POLRMT: variants seen among roughly 807,000 people sequenced by gnomAD.
The protein encoded by POLRMT is DNA-directed RNA polymerase, mitochondrial.
Under a neutral mutation model 132.2 loss-of-function variants are expected in POLRMT, and 114 were observed. The ratio of observed to expected loss-of-function variants is 0.86; its 90% CI spans 0.74 to 1.01. POLRMT has a LOEUF of 1.01. POLRMT is among the 50% of genes least tolerant of loss of function. The probability of loss-of-function intolerance (pLI) is 0.00; values close to 1 mark genes in which losing one functional copy is unlikely to be tolerated. For synonymous variants in POLRMT, 1,020 were observed against 773.4 expected (o/e 1.32, Z -5.29); for missense variants, 2,003 against 1,729.1 (o/e 1.16, Z -2.81).
chr19:633,402 C>T (rs993178939), intron 1 of POLRMT, 23 bp downstream of exon 1: 1 of 1,504,918 alleles, frequency 6.6e-7, no homozygotes, highest in Admixed American at 2.0e-5. Flanking sequence ...CCCGGGCTGC[C>T]TGGCCGTCTC....
At chr19:618,859 T>A in intron 15 of POLRMT, 99 bp from the exon 16 acceptor site, 1 of 1,421,178 alleles carries the variant, frequency 7.0e-7, no homozygotes, top group Non-Finnish European at 9.7e-7. Context: ...GCTAGGATGG[T>A]GGCACACTGG....
At chr19:619,834 G>A (rs1440595358) in intron 12 of POLRMT, 69 bp from the exon 13 acceptor site, 1 of 1,551,802 alleles carries the variant, frequency 6.4e-7, no homozygotes, top group Admixed American at 1.8e-5. Context: ...AAGCACCCAT[G>A]AAGCCCCCGC....
In POLRMT at chr19:621,259, G is replaced by A; in HGVS notation, c.2439C>T (p.Phe813=). 6.2e-7 allele frequency: 1 copy of A among 1,608,532 alleles called. No homozygotes were observed. Among genetic ancestry groups the A allele is most frequent in the Non-Finnish European group, 8.5e-7 (1 of 1,178,090 alleles). The part of the protein sequence containing the change: ...RGRTYPCPPH[F]NHLGSDVARA... ...GCGCCACGTCGCTGCCCAGGTGGTT[G>A]AAGTGCGGCGGGCAGGGGTAGGTGC... is the stretch of plus-strand genomic sequence containing the variant. Residue 813 remains phenylalanine (F), a synonymous_variant, in exon 10 of 21, where the codon TTC becomes TTT. Coordinates refer to ENST00000588649, the MANE Select transcript of POLRMT (RefSeq NM_005035.4).
At position 623,458 on chromosome 19, in the gene POLRMT, T is replaced by C. The variant is rs147681201; in HGVS notation, c.1286A>G (p.His429Arg). ...GGACCCCGGCTCAGCCCCTACCGCG[T>C]GCTTGACCTCCTTGCTTGGCAACGT... ...KPTLPSKEVK[H>R]ARKTLKTLRD... The change falls in exon 6 of 21, where the codon CAC (histidine) becomes CGC (arginine). Residue 429 changes from histidine (H) to arginine (R), a missense_variant. Coordinates refer to ENST00000588649, the MANE Select transcript of POLRMT (RefSeq NM_005035.4). The C allele has an allele frequency of 2.9e-4, 460 of 1,611,384 alleles. 3 individuals are homozygous for C. Among genetic ancestry groups the C allele is most frequent in the Admixed American group, 6.7e-5 (4 of 60,000 alleles).
At chr19:626,808 C>T (rs553553699) in intron 3 of POLRMT, among the ~76,000 whole-genome samples, 17 of 151,252 alleles carry the variant, frequency 1.1e-4, no homozygotes, top group Non-Finnish European at 2.1e-4. Flanking sequence ...TGCGGTAAGC[C>T]GGGATCTCAC....
In POLRMT at chr19:620,400, G is replaced by C. The variant is rs1309159241; in HGVS notation, c.2728C>G (p.Pro910Ala). 1 of 1,585,360 alleles carries C rather than the reference G, an allele frequency of 6.3e-7. No individual in the cohort carries two copies. Among genetic ancestry groups the C allele is most frequent in the Non-Finnish European group, 8.6e-7 (1 of 1,167,002 alleles). Residue 910 changes from proline to alanine, a missense_variant, in exon 11 of 21, where the codon CCT becomes GCT. Transcript: ENST00000588649. ...EVANAVRASD[P>A]AAYVSHLPVH... ...GGGAGGTGGGAGACATAGGCGGCAG[G>C]GTCGGAGGCGCGCACAGCGTTCGCC...
chr19:625,085 G>C, intron 4 of POLRMT, 39 bp downstream of exon 4: 1 of 1,597,082 alleles, frequency 6.3e-7, no homozygotes, highest in Non-Finnish European at 8.5e-7. Context: ...CCCTGGGAGG[G>C]ACATGGTGGG....
Position 617,253 on chromosome 19 carries a change from A to C in POLRMT, c.*21T>G. 6.2e-7 allele frequency: 1 copy of C among 1,612,248 alleles called. No homozygotes were observed. Among genetic ancestry groups the C allele is most frequent in the Non-Finnish European group, 8.5e-7 (1 of 1,179,660 alleles). On this transcript the variant is annotated 3_prime_UTR_variant, in exon 21 of 21. Coordinates refer to ENST00000588649, the MANE Select transcript of POLRMT (RefSeq NM_005035.4). Reference sequence around the variant, plus strand: ...GGTGGCAAAAGAGCTTTATTTACACACTGACAAGGCTCACGGGGTGTCAGC... The same window carrying C: ...GGTGGCAAAAGAGCTTTATTTACACCCTGACAAGGCTCACGGGGTGTCAGC...
rs1364379915 is a variant in POLRMT at position 622,761 on chromosome 19, G to A, written c.1456-9C>T. The A allele has an allele frequency of 1.3e-6, 2 of 1,579,612 alleles. No homozygotes were observed. The highest frequency in any genetic ancestry group is 2.4e-5 in the East Asian group (1 of 42,508). ...GGCAGCGCCTGCAGGACCTGCGGAA[G>A]GCAGCCGTGAGTGCCTGCCCGCCCC... On this transcript the variant is annotated splice_polypyrimidine_tract_variant and intron_variant, in intron 7 of 20. Coordinates refer to ENST00000588649, the MANE Select transcript of POLRMT (RefSeq NM_005035.4).
intron 5 of POLRMT, 124 bp downstream of exon 5, chr19:624,595 A>G (rs966493978): frequency 9.0e-7 from 1 of 1,112,650 alleles, no homozygotes; most frequent in African/African-American, 1.6e-5. Flanking sequence ...GAAGGGAGGA[A>G]TTCAGGGCCC....
intron 3 of POLRMT, 92 bp downstream of exon 3, chr19:629,448 T>C (rs1985245075): frequency 8.0e-7 from 1 of 1,247,510 alleles, no homozygotes; most frequent in African/African-American, 1.5e-5. Flanking sequence ...GACTTGAACC[T>C]GGGGGCTAAG....
At position 617,769 on chromosome 19, in the gene POLRMT, G is replaced by A. The variant is rs41554212; in HGVS notation, c.3495+8C>T. 3,873 of 1,613,018 alleles carry A rather than the reference G, an allele frequency of 2.4e-3. 10 individuals are homozygous for A. Among genetic ancestry groups the A allele is most frequent in the Non-Finnish European group, 2.9e-3 (3,476 of 1,179,698 alleles). ...ATGGGTGGACTGAGGCTCAGACTAC[G>A]GGGGCACCTGGTTCATGACGGAGAC... On this transcript the variant is annotated splice_region_variant and intron_variant, in intron 18 of 20. Coordinates refer to ENST00000588649, the MANE Select transcript of POLRMT (RefSeq NM_005035.4).
In POLRMT at chr19:622,980, C is replaced by T. The variant is rs897332609; in HGVS notation, c.1296G>A (p.Lys432=). ...LPSKEVKHAR[K]TLKTLRDQWE... ...ATTGGTCCCGCAGGGTCTTCAGGGT[C>T]TTCCGCTGCGGGGGATGAACGGGCC... The change falls in exon 7 of 21, where the codon AAG becomes AAA. Residue 432 remains lysine (K), a synonymous_variant. Coordinates refer to ENST00000588649, the MANE Select transcript of POLRMT (RefSeq NM_005035.4). 1.2e-6 allele frequency: 2 copies of T among 1,612,380 alleles called. No individual in the cohort carries two copies. The highest frequency in any genetic ancestry group is 1.3e-5 in the African/African-American group (1 of 75,050).
intron 8 of POLRMT, 40 bp from the exon 9 acceptor site, chr19:622,413 C>A: frequency 6.6e-7 from 1 of 1,510,194 alleles, no homozygotes; most frequent in South Asian, 1.2e-5. Context: ...CACCGGGGCC[C>A]CTGAGCTAGA....
Position 622,530 on chromosome 19 carries a change from G to A in POLRMT, c.1626+52C>T, listed in dbSNP as rs1023565934. 18 of 1,531,560 alleles carry A rather than the reference G, an allele frequency of 1.2e-5. No individual in the cohort carries two copies. In the East Asian group the frequency reaches 1.9e-4, roughly 16 times the overall value. The allele number at this position is 1,531,560 out of a possible 1,614,324, so 94.9% of individuals were successfully genotyped here. A position where few individuals can be genotyped will look rare whatever the true frequency, so the allele number is the denominator to read the frequency against. On this transcript the variant is annotated intron_variant, in intron 8 of 20. Coordinates refer to ENST00000588649, the MANE Select transcript of POLRMT (RefSeq NM_005035.4). The stretch of plus-strand genomic sequence containing the variant: ...AACCCGGCTGCTCCAGGGAGGGAGA[G>A]CGCCCACCCACCACTGGCCCCAGCC...
At chr19:632,794 G>C in intron 2 of POLRMT, 40 bp downstream of exon 2, 2 of 1,485,952 alleles carry the variant, frequency 1.3e-6, no homozygotes, top group Non-Finnish European at 1.8e-6. Flanking sequence ...AGCAGGGAGC[G>C]GACTCTCCTC....
At chr19:620,229 G>A (rs1448645503) in intron 11 of POLRMT, 136 bp downstream of exon 11, 6 of 1,453,860 alleles carry the variant, frequency 4.1e-6, no homozygotes, top group Middle Eastern at 1.8e-4. Context: ...GGAGAGACCA[G>A]GAGCCATGGC....
At chr19:625,989 C>T (rs906140208) in intron 3 of POLRMT, among the ~76,000 whole-genome samples, 1 of 152,112 alleles carries the variant, frequency 6.6e-6, no homozygotes, top group Non-Finnish European at 1.5e-5. Flanking sequence ...GTGTGCACCA[C>T]CGCGCCCGGC....
intron 3 of POLRMT, among the ~76,000 whole-genome samples, chr19:628,633 G>GA (rs149513154): frequency 1.3e-5 from 2 of 151,288 alleles, no homozygotes; most frequent in Admixed American, 6.6e-5. Context: ...AAGGATCATG[G>GA]GGGGGGAGAA....
Sources: gnomAD v4.1 joint callset for allele counts (sites outside exome capture counted in the v4.1 genomes callset) on GRCh38, gnomAD v4.1.1 for gene constraint, MANE v1.5 for transcripts, NCBI Gene and HGNC (gene_info 2026-07-23, HGNC 2026-07-21) for gene names.